Variants in CCDC85A observed in about 807,000 individuals in gnomAD.
The protein encoded by CCDC85A is coiled-coil domain-containing protein 85A.
CCDC85A carries 38 observed loss-of-function variants against 50.2 expected under a neutral mutation model. The ratio of observed to expected loss-of-function variants is 0.76; its 90% CI spans 0.58 to 0.99. CCDC85A has a LOEUF of 0.99. Ranked by LOEUF, CCDC85A falls within the 50% of genes least tolerant of loss-of-function variation. CCDC85A has a pLI of 0.00. For synonymous variants in CCDC85A, 366 were observed against 301.4 expected (o/e 1.21, Z -2.22); for missense variants, 820 against 742.0 (o/e 1.11, Z -1.22).
Position 56,370,597 on chromosome 2 carries a change from A to G in CCDC85A, c.1318-1747A>G, listed in dbSNP as rs1676022068. ...TTAATATATTTTAAAGGAACATTTT[A>G]TAATACTTAAAGTATAGCTATTGTT... On this transcript the variant is annotated intron_variant, in intron 3 of 5. Coordinates refer to ENST00000407595, the MANE Select transcript of CCDC85A (RefSeq NM_001080433.2). Among the ~76,000 whole-genome samples the G allele has an allele frequency of 2.0e-5, 3 of 152,118 alleles. No homozygotes were observed. The South Asian group carries it at 6.2e-4, about 32-fold the overall frequency.
intron 2 of CCDC85A, among the ~76,000 whole-genome samples, chr2:56,206,175 A>C (rs1247632630): frequency 6.6e-6 from 1 of 152,184 alleles, no homozygotes; most frequent in Non-Finnish European, 1.5e-5. Flanking sequence ...AATACAATCC[A>C]AGAATGTTTT....
rs544548860 is a variant in CCDC85A at position 56,249,231 on chromosome 2, C to T, written c.1240+55791C>T. ...GTGGCTGTCACTATAGGAGCAGGGC[C>T]GCCAGACATGAGCTCTGCCTTAGGC... On this transcript the variant is annotated intron_variant, in intron 2 of 5. Transcript: ENST00000407595. 2.0e-4 allele frequency among the ~76,000 whole-genome samples: 30 copies of T among 152,330 alleles called. No homozygotes were observed. In the South Asian group the frequency reaches 2.7e-3, roughly 14 times the overall value.
At chr2:56,230,402 C>A (rs796921466) in intron 2 of CCDC85A, among the ~76,000 whole-genome samples, 1 of 152,096 alleles carries the variant, frequency 6.6e-6, no homozygotes, top group African/African-American at 2.4e-5. Context: ...TTGAAAACAT[C>A]GTAAAAGAGA....
rs188513871 is a variant in CCDC85A at position 56,287,173 on chromosome 2, A to G, written c.1241-55706A>G. Among the ~76,000 whole-genome samples, 192 of 152,216 alleles carry G rather than the reference A, an allele frequency of 1.3e-3. 1 individual carries two copies. Among genetic ancestry groups the G allele is most frequent in the Non-Finnish European group, 1.4e-3 (97 of 68,000 alleles). On this transcript the variant is annotated intron_variant, in intron 2 of 5. Transcript: ENST00000407595. ...TAGGGCTGACAGAGTTTCACTCTTC[A>G]CTTTTGTAACCCAGACTTTTGTCAA...
intron 3 of CCDC85A, among the ~76,000 whole-genome samples, chr2:56,352,317 A>G (rs1230013573): frequency 2.6e-5 from 4 of 152,156 alleles, no homozygotes; most frequent in Non-Finnish European, 5.9e-5. Context: ...AATATAAGAC[A>G]GTTTAAGTGA....
intron 2 of CCDC85A, among the ~76,000 whole-genome samples, chr2:56,315,750 A>C (rs1033779359): frequency 4.6e-5 from 7 of 152,240 alleles, no homozygotes; most frequent in Admixed American, 3.3e-4. Flanking sequence ...TAAATTTTGC[A>C]AAGGGGTAGT....
chr2:56,342,922 A>G lies in CCDC85A; in HGVS notation c.1284A>G (p.Arg428=), dbSNP rs753047257. The change falls in exon 3 of 6, where the codon AGA becomes AGG. Residue 428 remains arginine (R), a synonymous_variant. Transcript: ENST00000407595. The part of the protein sequence containing the change: ...SYVRQLEARV[R]QLEEENRMLP... ...TTAGGCAGCTGGAGGCAAGAGTAAG[A>G]CAGCTGGAGGAAGAAAATCGCATGC... The G allele has an allele frequency of 1.3e-6, 2 of 1,598,472 alleles. No homozygotes were observed. The highest frequency in any genetic ancestry group is 1.7e-6 in the Non-Finnish European group (2 of 1,171,668).
Position 56,262,595 on chromosome 2 carries a change from A to G in CCDC85A, c.1240+69155A>G, listed in dbSNP as rs1670266556. On this transcript the variant is annotated intron_variant, in intron 2 of 5. Coordinates refer to ENST00000407595, the MANE Select transcript of CCDC85A (RefSeq NM_001080433.2). ...CATGACCAGTGGTAGCCATCAGTAA[A>G]CCATTCACACATTGCTAGGTTTCAT... Among the ~76,000 whole-genome samples, 3 of 152,158 alleles carry G rather than the reference A, an allele frequency of 2.0e-5. No individual in the cohort carries two copies. The South Asian group carries it at 6.2e-4, about 32-fold the overall frequency.
At position 56,306,138 on chromosome 2, in the gene CCDC85A, C is replaced by CT. The variant is rs146490243; in HGVS notation, c.1241-36733dup. Among the ~76,000 whole-genome samples the CT allele has an allele frequency of 3.4e-4, 52 of 151,772 alleles. No homozygotes were observed. In the East Asian group the frequency reaches 4.1e-3, roughly 12 times the overall value. ...TGCGAAACTTCCAGTGTATGAGATC[C>CT]TTTTTTTTGAGATGGAGTCTCACTC... is the stretch of plus-strand genomic sequence containing the variant. On this transcript the variant is annotated intron_variant, in intron 2 of 5. Coordinates refer to ENST00000407595, the MANE Select transcript of CCDC85A (RefSeq NM_001080433.2).
At chr2:56,231,264 G>A (rs905409237) in intron 2 of CCDC85A, among the ~76,000 whole-genome samples, 1 of 152,210 alleles carries the variant, frequency 6.6e-6, no homozygotes, top group Non-Finnish European at 1.5e-5. Context: ...CCTAGCCTGA[G>A]ACGGAAAGAA....
chr2:56,365,623 TA>T (rs903537706), intron 3 of CCDC85A, among the ~76,000 whole-genome samples: 1 of 152,176 alleles, frequency 6.6e-6, no homozygotes, highest in Non-Finnish European at 1.5e-5. Context: ...TTAGTATCTT[TA>T]AAAAAACTTT....
At chr2:56,197,905 A>C (rs1246252251) in intron 2 of CCDC85A, among the ~76,000 whole-genome samples, 1 of 152,242 alleles carries the variant, frequency 6.6e-6, no homozygotes, top group Non-Finnish European at 1.5e-5. Flanking sequence ...AAGCCTTTAC[A>C]TCCAGATAGA....
At chr2:56,273,486 T>G (rs1390752074) in intron 2 of CCDC85A, among the ~76,000 whole-genome samples, 1 of 152,046 alleles carries the variant, frequency 6.6e-6, no homozygotes, top group Non-Finnish European at 1.5e-5. Context: ...GACAATGCCT[T>G]TAAAACTGAG....
chr2:56,272,321 A>G (rs1670735987), intron 2 of CCDC85A, among the ~76,000 whole-genome samples: 1 of 152,114 alleles, frequency 6.6e-6, no homozygotes, highest in African/African-American at 2.4e-5. Flanking sequence ...ACAGAGGGGG[A>G]TATAAGCCAG....
At chr2:56,368,334 G>A (rs757087336) in intron 3 of CCDC85A, among the ~76,000 whole-genome samples, 2 of 152,128 alleles carry the variant, frequency 1.3e-5, no homozygotes, top group African/African-American at 4.8e-5. Flanking sequence ...TCTTGGAGAG[G>A]GTTTGCCAAG....
At chr2:56,235,988 A>T (rs1269487311) in intron 2 of CCDC85A, among the ~76,000 whole-genome samples, 1 of 152,168 alleles carries the variant, frequency 6.6e-6, no homozygotes, top group Admixed American at 6.6e-5. Context: ...CTAGCAAGGG[A>T]TCAAAGGAAA....
intron 2 of CCDC85A, among the ~76,000 whole-genome samples, chr2:56,213,279 A>T (rs1267153671): frequency 6.6e-6 from 1 of 152,000 alleles, no homozygotes; most frequent in Non-Finnish European, 1.5e-5. Flanking sequence ...TGTGTCCAGA[A>T]TTTTACAATT....
chr2:56,383,403 C>T (rs75756437), intron 5 of CCDC85A, among the ~76,000 whole-genome samples: 6,812 of 152,026 alleles, frequency 0.045, 200 homozygotes, highest in South Asian at 0.098. Context: ...TGTGCACATA[C>T]ATGCATGTGC....
intron 2 of CCDC85A, among the ~76,000 whole-genome samples, chr2:56,271,508 C>G (rs940555867): frequency 2.6e-5 from 4 of 152,164 alleles, no homozygotes; most frequent in African/African-American, 7.2e-5. Flanking sequence ...AGGCCCTACA[C>G]AGCAGGTGTC....
Sources: gnomAD v4.1 joint callset for allele counts (sites outside exome capture counted in the v4.1 genomes callset) on GRCh38, gnomAD v4.1.1 for gene constraint, MANE v1.5 for transcripts, NCBI Gene and HGNC (gene_info 2026-07-23, HGNC 2026-07-21) for gene names.